Variants in CACNB4 observed in about 807,000 individuals in gnomAD.
CACNB4 encodes voltage-dependent L-type calcium channel subunit beta-4.
Under a neutral mutation model 71.2 loss-of-function variants are expected in CACNB4, and 32 were observed. That is an observed-to-expected ratio of 0.45 (90% confidence interval 0.34 to 0.60). The LOEUF (loss-of-function observed/expected upper bound fraction) is 0.60, where lower values mean the gene tolerates loss of function less well. Among genes scored for constraint, CACNB4 ranks in the 20% least tolerant of loss-of-function variants. CACNB4 has a pLI of 0.01. For synonymous variants in CACNB4, 231 were observed against 236.9 expected (o/e 0.97, Z 0.23); for missense variants, 464 against 647.9 (o/e 0.72, Z 3.08).
At chr2:152,099,164 G>A, upstream of CACNB4, 1 of 524,472 alleles carries the variant, frequency 1.9e-6, no homozygotes, top group Non-Finnish European at 3.3e-6. Context: ...GCACTTCGGA[G>A]AGCGCGGCAC....
At chr2:151,932,353 A>C (rs1043968002) in intron 2 of CACNB4, among the ~76,000 whole-genome samples, 1 of 152,182 alleles carries the variant, frequency 6.6e-6, no homozygotes, top group Non-Finnish European at 1.5e-5. Flanking sequence ...CAGATGAAAC[A>C]TGACCCATAA....
chr2:152,008,867 G>C (rs1231423587), intron 2 of CACNB4, among the ~76,000 whole-genome samples: 1 of 152,214 alleles, frequency 6.6e-6, no homozygotes, highest in African/African-American at 2.4e-5. Context: ...AAGATCTCCA[G>C]TGAAGCGCTG....
At chr2:151,958,867 C>G (rs897568860) in intron 2 of CACNB4, among the ~76,000 whole-genome samples, 37 of 152,212 alleles carry the variant, frequency 2.4e-4, no homozygotes, top group South Asian at 2.1e-4. Flanking sequence ...CAAATAATTT[C>G]TCTCACAGTA....
chr2:151,864,457 T>C (rs1313768619), intron 9 of CACNB4, among the ~76,000 whole-genome samples: 1 of 152,240 alleles, frequency 6.6e-6, no homozygotes, highest in Non-Finnish European at 1.5e-5. Context: ...AAATAATTTG[T>C]ATTTCCACGC....
chr2:152,056,615 ACT>A (rs1345806730), intron 2 of CACNB4, among the ~76,000 whole-genome samples: 3 of 151,788 alleles, frequency 2.0e-5, no homozygotes, highest in Non-Finnish European at 2.9e-5. Context: ...CAATTAATAG[ACT>A]CTACCTGTGT....
intron 2 of CACNB4, among the ~76,000 whole-genome samples, chr2:152,072,807 A>ATTT (rs780232798): frequency 1.4e-5 from 2 of 138,642 alleles, no homozygotes; most frequent in African/African-American, 5.3e-5. Flanking sequence ...GGCCCAGCTG[A>ATTT]TTTTTTTTTT....
chr2:151,985,567 C>T (rs547252996), intron 2 of CACNB4, among the ~76,000 whole-genome samples: 29 of 152,116 alleles, frequency 1.9e-4, no homozygotes, highest in Non-Finnish European at 3.5e-4. Flanking sequence ...GAAGTACCAA[C>T]TCTCAGCTTT....
intron 2 of CACNB4, among the ~76,000 whole-genome samples, chr2:152,019,188 C>T (rs912769459): frequency 1.3e-5 from 2 of 152,174 alleles, no homozygotes; most frequent in Non-Finnish European, 2.9e-5. Flanking sequence ...ACAGGCCTTT[C>T]AGGACAGTTA....
intron 2 of CACNB4, among the ~76,000 whole-genome samples, chr2:152,086,578 G>A (rs1687672196): frequency 6.6e-6 from 1 of 152,168 alleles, no homozygotes; most frequent in South Asian, 2.1e-4. Flanking sequence ...TCTCAAGAAG[G>A]AAATGTTATA....
intron 8 of CACNB4, chr2:151,869,950 C>T: frequency 2.1e-6 from 1 of 474,884 alleles, no homozygotes. Context: ...AGCACAAAGT[C>T]AAAACAAACA....
At chr2:152,075,573 G>A (rs1686965322) in intron 2 of CACNB4, among the ~76,000 whole-genome samples, 1 of 152,198 alleles carries the variant, frequency 6.6e-6, no homozygotes, top group Non-Finnish European at 1.5e-5. Flanking sequence ...CACGGGCAGT[G>A]TGGACTCACT....
intron 2 of CACNB4, among the ~76,000 whole-genome samples, chr2:152,001,413 G>T (rs1682399055): frequency 6.6e-6 from 1 of 150,942 alleles, no homozygotes; most frequent in Admixed American, 6.6e-5. Flanking sequence ...AGTCGGCCAG[G>T]CACGGTGGCG....
intron 2 of CACNB4, among the ~76,000 whole-genome samples, chr2:151,961,989 C>A (rs1351970353): frequency 6.6e-6 from 1 of 152,184 alleles, no homozygotes; most frequent in Non-Finnish European, 1.5e-5. Flanking sequence ...GGAACCAAAT[C>A]ACCTCTCTAA....
chr2:152,030,216 C>T (rs572647698), intron 2 of CACNB4, among the ~76,000 whole-genome samples: 5 of 152,092 alleles, frequency 3.3e-5, no homozygotes, highest in African/African-American at 1.2e-4. Flanking sequence ...AAAATTCACA[C>T]ATAGTCAAAT....
rs376274564 is a variant in CACNB4 at position 152,048,274 on chromosome 2, C to A, written c.147+50056G>T. Among the ~76,000 whole-genome samples the A allele has an allele frequency of 3.5e-4, 53 of 152,232 alleles. 1 individual carries two copies. In the South Asian group the frequency reaches 0.011, roughly 30 times the overall value. ...AAGTTCCCTGGGGGGCAAAATCACCCCAGCTGAGAACCCGTGGGTTAAAGT... is the reference window on the plus strand; with the variant it reads ...AAGTTCCCTGGGGGGCAAAATCACCACAGCTGAGAACCCGTGGGTTAAAGT... On this transcript the variant is annotated intron_variant, in intron 2 of 13. Transcript: ENST00000539935.
chr2:152,011,578 C>T (rs941222113), intron 2 of CACNB4, among the ~76,000 whole-genome samples: 2 of 152,312 alleles, frequency 1.3e-5, no homozygotes. Context: ...CTGTCTGTCA[C>T]AAAGATGCTA....
chr2:151,907,756 A>T (rs2099855161), intron 2 of CACNB4, among the ~76,000 whole-genome samples: 1 of 152,220 alleles, frequency 6.6e-6, no homozygotes, highest in Admixed American at 6.5e-5. Context: ...CTGACATGTG[A>T]TGGATAGGCC....
At chr2:151,968,534 C>CT (rs2099871729) in intron 2 of CACNB4, 1 of 152,040 alleles carries the variant, frequency 6.6e-6, no homozygotes, top group Non-Finnish European at 1.5e-5. Flanking sequence ...GGGTAAGAGA[C>CT]GGTAAAGGGG....
intron 2 of CACNB4, among the ~76,000 whole-genome samples, chr2:151,889,032 G>A (rs1322068931): frequency 6.6e-6 from 1 of 152,138 alleles, no homozygotes; most frequent in African/African-American, 2.4e-5. Flanking sequence ...AAGTGTTACT[G>A]TCTTTTAATT....
Sources: allele counts gnomAD v4.1 joint callset (sites outside exome capture counted in the v4.1 genomes callset), GRCh38; gene constraint gnomAD v4.1.1; transcripts MANE v1.5; gene names NCBI Gene and HGNC (gene_info 2026-07-23, HGNC 2026-07-21).